SATB1: variants seen among roughly 807,000 people sequenced by gnomAD.
SATB1 encodes DNA-binding protein SATB1.
In SATB1, 11 loss-of-function variants were observed where a neutral mutation model predicts 86.9. The ratio of observed to expected loss-of-function variants is 0.13; its 90% CI spans 0.08 to 0.21. SATB1 has a LOEUF of 0.21. SATB1 is among the 10% of genes least tolerant of loss of function. SATB1 has a pLI of 1.00. For missense variants in SATB1, 551 were observed against 937.6 expected (o/e 0.59, Z 5.39); for synonymous variants, 357 against 357.2 (o/e 1.00, Z 0.01).
At chr3:18,380,002 T>C (rs1201593161) in intron 8 of SATB1, among the ~76,000 whole-genome samples, 2 of 152,142 alleles carry the variant, frequency 1.3e-5, no homozygotes, top group African/African-American at 4.8e-5. Context: ...AACACCACTT[T>C]AAGAGCCAGA....
At chr3:18,437,550 C>T (rs1213253307) in intron 1 of SATB1, among the ~76,000 whole-genome samples, 1 of 152,046 alleles carries the variant, frequency 6.6e-6, no homozygotes, top group Non-Finnish European at 1.5e-5. Flanking sequence ...CTGTCTACTG[C>T]TCTAATAACA....
Position 18,352,800 on chromosome 3 carries a change from GGA to G in SATB1, c.1576-607_1576-606del, listed in dbSNP as rs1357770063. The G allele has an allele frequency of 6.6e-6, 1 of 152,512 alleles. No individual in the cohort carries two copies. Among genetic ancestry groups the G allele is most frequent in the African/African-American group, 2.4e-5 (1 of 41,438 alleles). The allele number at this position is 152,512 out of a possible 1,614,324, so 9.4% of individuals were successfully genotyped here. On this transcript the variant is annotated intron_variant, in intron 9 of 10. Transcript: ENST00000338745. The surrounding 1 kb of genome is among the most constrained non-coding windows in gnomAD (Gnocchi z 4.1). Reference sequence around the variant, plus strand: ...AAAGAACTCTCCAAAGAGAGACACTGGAGTCCTATTTTTCCGCCTGCTGCAGT... The same window carrying G: ...AAAGAACTCTCCAAAGAGAGACACTGGTCCTATTTTTCCGCCTGCTGCAGT...
At chr3:18,403,995 T>G (rs1295602246) in intron 5 of SATB1, among the ~76,000 whole-genome samples, 3 of 152,102 alleles carry the variant, frequency 2.0e-5, no homozygotes, top group Admixed American at 6.6e-5. Context: ...TAACTTCACA[T>G]CAACTACACA....
At chr3:18,370,537 G>A (rs1042679099) in intron 9 of SATB1, among the ~76,000 whole-genome samples, 1,107 of 59,788 alleles carry the variant, frequency 0.019, no homozygotes, top group Middle Eastern at 0.068. Flanking sequence ...AAAAAAAAAA[G>A]AGGAAAAACA....
At chr3:18,415,713 T>C (rs190798262) in intron 4 of SATB1, among the ~76,000 whole-genome samples, 8 of 152,256 alleles carry the variant, frequency 5.3e-5, no homozygotes, top group African/African-American at 1.7e-4. Context: ...GTAAACTTTA[T>C]GTAAAATGCC....
rs1452738162 is a variant in SATB1 at position 18,378,323 on chromosome 3, C to T, written c.1422G>A (p.Val474=). 1 of 1,610,654 alleles carries T rather than the reference C, an allele frequency of 6.2e-7. No homozygotes were observed. Among genetic ancestry groups the T allele is most frequent in the Non-Finnish European group, 8.5e-7 (1 of 1,178,854 alleles). ...ISTPPSRPPQ[V]KTATIATERN... ...TTTCAGTGGCAATAGTAGCTGTTTT[C>T]ACCTACAAAACATTTTGAACATGGC... Residue 474 remains valine (V), a splice_region_variant and synonymous_variant, in exon 9 of 11, where the codon GTG becomes GTA. Transcript: ENST00000338745.
intron 5 of SATB1, among the ~76,000 whole-genome samples, chr3:18,413,680 G>C (rs1559449353): frequency 1.3e-5 from 2 of 152,138 alleles, no homozygotes; most frequent in South Asian, 2.1e-4. Context: ...CCAAGGGTGA[G>C]AGAGGGAAGA....
At chr3:18,382,091 A>G (rs1244180706) in intron 8 of SATB1, among the ~76,000 whole-genome samples, 1 of 152,206 alleles carries the variant, frequency 6.6e-6, no homozygotes, top group African/African-American at 2.4e-5. Context: ...CCTGAAATCA[A>G]GATGAACCTA....
At chr3:18,374,142 A>G (rs1266180683) in intron 9 of SATB1, among the ~76,000 whole-genome samples, 1 of 152,164 alleles carries the variant, frequency 6.6e-6, no homozygotes, top group Non-Finnish European at 1.5e-5. Context: ...AATTCAGTAT[A>G]CAAGGCAAGG....
In SATB1 at chr3:18,423,936, C is replaced by G. The variant is rs1698525614; in HGVS notation, c.-334G>C. 6.6e-6 allele frequency: 1 copy of G among 151,736 alleles called. No homozygotes were observed. The highest frequency in any genetic ancestry group is 1.5e-5 in the Non-Finnish European group (1 of 67,962). The allele number at this position is 151,736 out of a possible 1,614,324, so 9.4% of individuals were successfully genotyped here. A position where few individuals can be genotyped will look rare whatever the true frequency, so the allele number is the denominator to read the frequency against. ...CAACATATAGGGGTTTGTAAAATGT[C>G]TAACCTCAGAGAACAGGGTTTGCGA... On this transcript the variant is annotated 5_prime_UTR_variant, in exon 1 of 11. Coordinates refer to ENST00000338745, the MANE Select transcript of SATB1 (RefSeq NM_002971.6).
At chr3:18,410,318 A>G (rs561856302) in intron 5 of SATB1, among the ~76,000 whole-genome samples, 24 of 152,118 alleles carry the variant, frequency 1.6e-4, no homozygotes, top group Admixed American at 2.6e-4. Flanking sequence ...AGAGGCTTTC[A>G]TTTTGTCTTT....
At chr3:18,407,587 T>C (rs1697609435) in intron 5 of SATB1, among the ~76,000 whole-genome samples, 1 of 152,054 alleles carries the variant, frequency 6.6e-6, no homozygotes, top group South Asian at 2.1e-4. Context: ...ACATTGGTAC[T>C]ATTATCTTCC....
chr3:18,359,545 T>C, intron 9 of SATB1, among the ~76,000 whole-genome samples: 1 of 152,050 alleles, frequency 6.6e-6, no homozygotes, highest in East Asian at 1.9e-4. Context: ...GAAAGTTTAA[T>C]TTTCATATAT....
At chr3:18,354,031 C>G (rs1694509406) in intron 9 of SATB1, among the ~76,000 whole-genome samples, 1 of 152,172 alleles carries the variant, frequency 6.6e-6, no homozygotes, top group Non-Finnish European at 1.5e-5. Context: ...GAATTTGCTT[C>G]TCTTCTAACC....
rs1004341201 is a variant in SATB1 at position 18,351,244 on chromosome 3, TGGG to T, written c.1779+745_1779+747del. The T allele has an allele frequency of 4.5e-6, 6 of 1,319,340 alleles. No individual in the cohort carries two copies. In the Admixed American group the frequency reaches 1.2e-4, roughly 26 times the overall value. 81.7% of individuals were successfully genotyped at this position (1,319,340 alleles called of 1,614,324 possible). A position where few individuals can be genotyped will look rare whatever the true frequency, so the allele number is the denominator to read the frequency against. On this transcript the variant is annotated intron_variant, in intron 10 of 10. Coordinates refer to ENST00000338745, the MANE Select transcript of SATB1 (RefSeq NM_002971.6). ...CTTTACAGGTTTGAAAATCCTGACC[TGGG>T]GAGCAGGTCTTTAGGTCACCCCCTC...
chr3:18,408,413 A>G (rs565253772), intron 5 of SATB1, among the ~76,000 whole-genome samples: 2 of 152,148 alleles, frequency 1.3e-5, no homozygotes, highest in South Asian at 2.1e-4. Context: ...GTTAAAATTA[A>G]AACTGAAGCA....
chr3:18,380,024 C>T (rs1183649784), intron 8 of SATB1, among the ~76,000 whole-genome samples: 4 of 152,192 alleles, frequency 2.6e-5, no homozygotes, highest in South Asian at 2.1e-4. Context: ...GAGTTAACAA[C>T]ACATTACCAT....
At chr3:18,439,945 A>G (rs1699193278), upstream of SATB1, among the ~76,000 whole-genome samples, 2 of 152,214 alleles carry the variant, frequency 1.3e-5, no homozygotes, top group Non-Finnish European at 2.9e-5. Context: ...AAGAAGTCAA[A>G]TGAAGGAGTT....
At position 18,352,233 on chromosome 3, in the gene SATB1, T is replaced by A. The variant is rs761796386; in HGVS notation, c.1576-38A>T. On this transcript the variant is annotated intron_variant, in intron 9 of 10. Transcript: ENST00000338745. The surrounding 1 kb of genome is among the most constrained non-coding windows in gnomAD (Gnocchi z 4.1). ...GGCATAATAGGTCAGTTTGTGCCTA[T>A]GAGAGGGGCTGGCATTTTCCATTAG... 6.3e-7 allele frequency: 1 copy of A among 1,586,828 alleles called. No homozygotes were observed. The highest frequency in any genetic ancestry group is 8.6e-7 in the Non-Finnish European group (1 of 1,156,692).
Sources: gnomAD v4.1 joint callset for allele counts (sites outside exome capture counted in the v4.1 genomes callset) on GRCh38, gnomAD v4.1.1 for gene constraint, Gnocchi (gnomAD v3.1) non-coding constraint, MANE v1.5 for transcripts, NCBI Gene and HGNC (gene_info 2026-07-23, HGNC 2026-07-21) for gene names.